Variants in PIK3R5 observed in about 807,000 individuals in gnomAD.
PIK3R5 encodes the protein phosphoinositide 3-kinase regulatory subunit 5.
In PIK3R5, 32 loss-of-function variants were observed where a neutral mutation model predicts 94.9. That is an observed-to-expected ratio of 0.34 (90% CI 0.25 to 0.45). The LOEUF is 0.45. Ranked by LOEUF, PIK3R5 falls within the 20% of genes least tolerant of loss-of-function variation. PIK3R5 has a pLI of 1.00. For synonymous variants in PIK3R5, 443 were observed against 479.4 expected (o/e 0.92, Z 0.99); for missense variants, 853 against 1,144.6 (o/e 0.75, Z 3.68).
At chr17:8,922,476 G>A (rs2090772578) in intron 1 of PIK3R5, among the ~76,000 whole-genome samples, 1 of 152,236 alleles carries the variant, frequency 6.6e-6, no homozygotes, top group East Asian at 1.9e-4. Flanking sequence ...TATGGCCCGA[G>A]CTTGAAGTCT....
At chr17:8,910,908 C>T (rs1016517543) in intron 2 of PIK3R5, among the ~76,000 whole-genome samples, 10 of 152,234 alleles carry the variant, frequency 6.6e-5, no homozygotes, top group South Asian at 4.1e-4. Context: ...CTGCCCGGGA[C>T]TGCGGACACC....
intron 1 of PIK3R5, among the ~76,000 whole-genome samples, chr17:8,953,684 AC>A (rs1169655885): frequency 6.6e-6 from 1 of 152,220 alleles, no homozygotes; most frequent in Non-Finnish European, 1.5e-5. Flanking sequence ...CTCTTGGGTT[AC>A]CCACCCACTG....
At position 8,889,068 on chromosome 17, in the gene PIK3R5, A is replaced by C. The variant is rs760640688; in HGVS notation, c.895+71T>G. 1.3e-6 allele frequency: 2 copies of C among 1,540,706 alleles called. No individual in the cohort carries two copies. The highest frequency in any genetic ancestry group is 1.8e-6 in the Non-Finnish European group (2 of 1,131,642). On this transcript the variant is annotated intron_variant, in intron 9 of 18. Transcript: ENST00000447110. This position sits in a 1 kb window ranked among gnomAD's most constrained non-coding sequence, Gnocchi z 4.1. ...GCTTTGGGGACGGGGTGGGAGCTGC[A>C]TGGACCCAGGACCAGAAACACAGCT... is the stretch of plus-strand genomic sequence containing the variant.
At chr17:8,920,846 T>C (rs1028463628) in intron 1 of PIK3R5, among the ~76,000 whole-genome samples, 2 of 146,182 alleles carry the variant, frequency 1.4e-5, no homozygotes, top group Non-Finnish European at 3.0e-5. Context: ...TTCTTTTTCT[T>C]TTTTTTTTTT....
chr17:8,963,310 G>C (rs1396170346), intron 1 of PIK3R5, among the ~76,000 whole-genome samples: 1 of 152,102 alleles, frequency 6.6e-6, no homozygotes, highest in Non-Finnish European at 1.5e-5. Context: ...TGGAACCCAA[G>C]CTGGGGCTTC....
At chr17:8,958,908 C>T (rs2091510540) in intron 1 of PIK3R5, among the ~76,000 whole-genome samples, 1 of 152,146 alleles carries the variant, frequency 6.6e-6, no homozygotes, top group Non-Finnish European at 1.5e-5. Flanking sequence ...CAGGCATGTG[C>T]CATCACGCCC....
chr17:8,944,261 T>C (rs1480514962), intron 1 of PIK3R5, among the ~76,000 whole-genome samples: 1 of 152,244 alleles, frequency 6.6e-6, no homozygotes, highest in African/African-American at 2.4e-5. Flanking sequence ...CATGATCTTG[T>C]TCTTTTTCAT....
intron 1 of PIK3R5, among the ~76,000 whole-genome samples, chr17:8,934,825 T>C (rs999495491): frequency 7.9e-5 from 12 of 152,208 alleles, no homozygotes; most frequent in African/African-American, 2.7e-4. Context: ...TACATCATTC[T>C]CTCCCAGCCC....
At chr17:8,941,377 A>G (rs1481818854) in intron 1 of PIK3R5, among the ~76,000 whole-genome samples, 1 of 152,154 alleles carries the variant, frequency 6.6e-6, no homozygotes, top group Non-Finnish European at 1.5e-5. Context: ...AGGAGAAAGA[A>G]AAAAAGGGGA....
Position 8,909,497 on chromosome 17 carries a change from C to G in PIK3R5, c.104-323G>C, listed in dbSNP as rs144361935. Among the ~76,000 whole-genome samples, 1,020 of 152,278 alleles carry G rather than the reference C, an allele frequency of 6.7e-3. 7 individuals are homozygous for G. Among genetic ancestry groups the G allele is most frequent in the African/African-American group, 0.019 (796 of 41,558 alleles). ...AGAGATGGGGTTTCACCATGTTGGC[C>G]AAGATGGTCTCGATCTCCTGACCTC... On this transcript the variant is annotated intron_variant, in intron 2 of 18. Coordinates refer to ENST00000447110, the MANE Select transcript of PIK3R5 (RefSeq NM_001142633.3). The surrounding 1 kb of genome is among the most constrained non-coding windows in gnomAD (Gnocchi z 4.3).
chr17:8,895,083 CT>C (rs1185928768), intron 5 of PIK3R5, among the ~76,000 whole-genome samples: 4 of 152,104 alleles, frequency 2.6e-5, no homozygotes, highest in Non-Finnish European at 5.9e-5. Context: ...CAGATAAGTC[CT>C]TGACACAGTG....
Position 8,935,547 on chromosome 17 carries a change from G to A in PIK3R5, c.-13-24040C>T, listed in dbSNP as rs540061694. ...TTCAGGTCAGAACCCAAGCTTCCCCGGAGCTGTTCCTAAGACCTCAGAGTA... is the reference window on the plus strand; with the variant it reads ...TTCAGGTCAGAACCCAAGCTTCCCCAGAGCTGTTCCTAAGACCTCAGAGTA... On this transcript the variant is annotated intron_variant, in intron 1 of 18. Coordinates refer to ENST00000447110, the MANE Select transcript of PIK3R5 (RefSeq NM_001142633.3). This position sits in a 1 kb window ranked among gnomAD's most constrained non-coding sequence, Gnocchi z 4.5. 5.9e-5 allele frequency among the ~76,000 whole-genome samples: 9 copies of A among 152,004 alleles called. No homozygotes were observed. Among genetic ancestry groups the A allele is most frequent in the African/African-American group, 1.4e-4 (6 of 41,480 alleles).
chr17:8,881,831 G>A lies in PIK3R5; in HGVS notation c.2256C>T (p.Thr752=), dbSNP rs771732131. The A allele has an allele frequency of 3.6e-5, 58 of 1,614,158 alleles. 1 individual carries two copies. In the Middle Eastern group the frequency reaches 1.2e-3, roughly 32 times the overall value. The change falls in exon 16 of 19, where the codon ACC becomes ACT. Residue 752 remains threonine (T), a synonymous_variant. Transcript: ENST00000447110. This position sits in a 1 kb window ranked among gnomAD's most constrained non-coding sequence, Gnocchi z 4.8. The stretch of plus-strand genomic sequence containing the variant: ...GGCAGGCCTTGTTGAGGTTCACGGA[G>A]GTACAGACCTTCTCCAGGTTGCTCC... ...SRWSNLEKVC[T]SVNLNKACRK... is the part of the protein sequence containing the mutation.
intron 2 of PIK3R5, among the ~76,000 whole-genome samples, chr17:8,910,354 C>T (rs1489780741): frequency 6.6e-6 from 1 of 152,156 alleles, no homozygotes; most frequent in Non-Finnish European, 1.5e-5. Context: ...TAACGATAGC[C>T]CTCTCCCCAG....
Position 8,887,526 on chromosome 17 carries a change from G to A in PIK3R5, c.1774C>T (p.Pro592Ser). 1 of 1,604,838 alleles carries A rather than the reference G, an allele frequency of 6.2e-7. No individual in the cohort carries two copies. Among genetic ancestry groups the A allele is most frequent in the Non-Finnish European group, 8.5e-7 (1 of 1,175,948 alleles). Residue 592 changes from proline to serine, a missense_variant, in exon 11 of 19, where the codon CCT becomes TCT. Around this residue, in one of 6 missense-constraint regions of PIK3R5, gnomAD observed 319 missense variants for 339.8 expected, o/e 0.94. Coordinates refer to ENST00000447110, the MANE Select transcript of PIK3R5 (RefSeq NM_001142633.3). ...PPTDSPRHAS[P>S]GELGTTPWEE... ...GGCCCAGGCTGGGGACATACTCCAG[G>A]GCTGGCGTGCCTAGGGGAGTCTGTC...
At chr17:8,939,541 C>T (rs1020734730) in intron 1 of PIK3R5, among the ~76,000 whole-genome samples, 2 of 152,114 alleles carry the variant, frequency 1.3e-5, no homozygotes, top group African/African-American at 2.4e-5. Flanking sequence ...ATCACCTAAA[C>T]GTAGTAAAGA....
At chr17:8,940,123 G>A (rs933776205) in intron 1 of PIK3R5, among the ~76,000 whole-genome samples, 1 of 152,160 alleles carries the variant, frequency 6.6e-6, no homozygotes, top group Non-Finnish European at 1.5e-5. Context: ...TGGGAGATGG[G>A]GGCCTGGCTG....
At position 8,887,240 on chromosome 17, in the gene PIK3R5, GTCA is replaced by G. The variant is rs2089885899; in HGVS notation, c.1780-22_1780-20del. On this transcript the variant is annotated intron_variant, in intron 11 of 18. Transcript: ENST00000447110. ...CCAGCTCCTAGGGCAAAGAACAAGA[GTCA>G]TCATCCCAGCTCCCCAGGAGGCCTG... 6.2e-7 allele frequency: 1 copy of G among 1,613,426 alleles called. No individual in the cohort carries two copies. Among genetic ancestry groups the G allele is most frequent in the South Asian group, 1.1e-5 (1 of 91,062 alleles).
In PIK3R5 at chr17:8,890,019, G is replaced by C; in HGVS notation, c.765C>G (p.Thr255=). 1.2e-6 allele frequency: 2 copies of C among 1,613,934 alleles called. No individual in the cohort carries two copies. The highest frequency in any genetic ancestry group is 1.7e-6 in the Non-Finnish European group (2 of 1,179,986). The stretch of plus-strand genomic sequence containing the variant: ...CTTTTTCTCCCACCGCCTGCAGCTT[G>C]GTCCTGAGCCACCGCCGGGCCTCTG... ...DAAEARRWLR[T]KLQAVGEKAG... is the part of the protein sequence containing the mutation. The change falls in exon 8 of 19, where the codon ACC becomes ACG. Residue 255 remains threonine, a synonymous_variant. Coordinates refer to ENST00000447110, the MANE Select transcript of PIK3R5 (RefSeq NM_001142633.3). The surrounding 1 kb of genome is among the most constrained non-coding windows in gnomAD (Gnocchi z 6.1).
Sources: allele counts gnomAD v4.1 joint callset (sites outside exome capture counted in the v4.1 genomes callset), GRCh38; gene constraint gnomAD v4.1.1; regional missense constraint gnomAD v4.1.1; non-coding constraint Gnocchi (gnomAD v3.1); transcripts MANE v1.5; gene names NCBI Gene and HGNC (gene_info 2026-07-23, HGNC 2026-07-21).